The following CCSER1 variants were observed in gnomAD, a reference collection of about 807,000 sequenced individuals.
The protein encoded by CCSER1 is coiled-coil serine rich protein 1, also known as serine-rich coiled-coil domain-containing protein 1.
CCSER1 carries 41 observed loss-of-function variants against 82.0 expected under a neutral mutation model. The ratio of observed to expected loss-of-function variants is 0.50; its 90% CI spans 0.39 to 0.65. The LOEUF is 0.65. CCSER1 is among the 30% of genes least tolerant of loss of function. CCSER1 has a pLI of 0.00. For synonymous variants in CCSER1, 414 were observed against 383.9 expected (o/e 1.08, Z -0.92); for missense variants, 1,119 against 1,064.2 (o/e 1.05, Z -0.72).
intron 10 of CCSER1, among the ~76,000 whole-genome samples, chr4:91,356,453 G>T (rs112179150): frequency 0.02 from 3,008 of 152,280 alleles, 91 homozygotes; most frequent in African/African-American, 0.067. Context: ...GGTATTCCTT[G>T]TGGGGCTCCA....
chr4:91,443,871 A>C (rs539504394), intron 10 of CCSER1, among the ~76,000 whole-genome samples: 1 of 151,646 alleles, frequency 6.6e-6, no homozygotes, highest in African/African-American at 2.4e-5. Flanking sequence ...TATTTGTCCA[A>C]ATACTTGAAG....
At chr4:91,106,013 G>T (rs4693262) in intron 10 of CCSER1, among the ~76,000 whole-genome samples, 44,925 of 151,956 alleles carry the variant, frequency 0.3, 7,289 homozygotes, top group East Asian at 0.5. Flanking sequence ...ATTATTATCT[G>T]ATAATCAAAG....
At chr4:91,053,632 C>A (rs1743188354) in intron 9 of CCSER1, among the ~76,000 whole-genome samples, 1 of 152,104 alleles carries the variant, frequency 6.6e-6, no homozygotes. Flanking sequence ...TTACATCTTA[C>A]AAAATTCAAA....
chr4:90,878,565 T>A (rs2150061200), intron 8 of CCSER1, among the ~76,000 whole-genome samples: 1 of 152,248 alleles, frequency 6.6e-6, no homozygotes, highest in Non-Finnish European at 1.5e-5. Flanking sequence ...TGGTCTAAAA[T>A]ATCAAAATGA....
At chr4:90,850,361 G>A (rs1235081621) in intron 8 of CCSER1, among the ~76,000 whole-genome samples, 1 of 152,168 alleles carries the variant, frequency 6.6e-6, no homozygotes, top group Non-Finnish European at 1.5e-5. Context: ...CTGGATCCCA[G>A]AATCATAGAT....
At chr4:90,310,727 C>T (rs1735143002) in intron 2 of CCSER1, among the ~76,000 whole-genome samples, 1 of 152,054 alleles carries the variant, frequency 6.6e-6, no homozygotes, top group Non-Finnish European at 1.5e-5. Flanking sequence ...AAAGCTCTGG[C>T]TCTCCATAAC....
chr4:91,478,360 C>A (rs922227592), intron 10 of CCSER1, among the ~76,000 whole-genome samples: 2 of 151,310 alleles, frequency 1.3e-5, no homozygotes, highest in African/African-American at 4.8e-5. Context: ...GAATTATTAC[C>A]CAATTGTTCT....
At chr4:90,387,086 A>G (rs1750174266) in intron 3 of CCSER1, among the ~76,000 whole-genome samples, 1 of 152,206 alleles carries the variant, frequency 6.6e-6, no homozygotes. Flanking sequence ...TACCAGAATT[A>G]TGAGTTCAAT....
rs72882776 is a variant in CCSER1, at chr4:91,507,076, C to T, written c.2218-91496C>T. 1.1e-3 allele frequency among the ~76,000 whole-genome samples: 168 copies of T among 152,114 alleles called. 1 individual carries two copies. The highest frequency in any genetic ancestry group is 3.8e-3 in the African/African-American group (157 of 41,488). Reference sequence around the variant, plus strand: ...TATTTTCACTTTTTACTATTATGAACGAAACTTTTAATTACATTTATGTAC... The same window carrying T: ...TATTTTCACTTTTTACTATTATGAATGAAACTTTTAATTACATTTATGTAC... On this transcript the variant is annotated intron_variant, in intron 10 of 10. Transcript: ENST00000509176.
rs115583662 is a variant in CCSER1 at position 91,060,353 on chromosome 4, A to T, written c.2173-25597A>T. Among the ~76,000 whole-genome samples, 701 of 152,176 alleles carry T rather than the reference A, an allele frequency of 4.6e-3. 6 individuals carry two copies. The highest frequency in any genetic ancestry group is 0.016 in the African/African-American group (649 of 41,560). On this transcript the variant is annotated intron_variant, in intron 9 of 10. Coordinates refer to ENST00000509176, the MANE Select transcript of CCSER1 (RefSeq NM_001145065.2). The stretch of plus-strand genomic sequence containing the variant: ...CAGAAGAATTGGCTAGTCATTTCTG[A>T]AATCAGTCATTTTTGAAAACATAAT...
In CCSER1 at chr4:90,234,096, A is replaced by C. The variant is rs138718136; in HGVS notation, c.-41-74148A>C. Among the ~76,000 whole-genome samples, 69 of 152,290 alleles carry C rather than the reference A, an allele frequency of 4.5e-4. No homozygotes were observed. In the South Asian group the frequency reaches 7.7e-3, roughly 17 times the overall value. Reference sequence around the variant, plus strand: ...TTTTAAATCCGAAAATAATAATATTAGGCAGCCTTTGTATTTCCAGACCTC... The same window carrying C: ...TTTTAAATCCGAAAATAATAATATTCGGCAGCCTTTGTATTTCCAGACCTC... On this transcript the variant is annotated intron_variant, in intron 1 of 10. Transcript: ENST00000509176.
chr4:91,234,830 G>A (rs1738879725), intron 10 of CCSER1, among the ~76,000 whole-genome samples: 1 of 151,938 alleles, frequency 6.6e-6, no homozygotes, highest in South Asian at 2.1e-4. Context: ...AGTTGTCATG[G>A]TTTCTAGACT....
chr4:91,573,400 G>T (rs2110291113), intron 10 of CCSER1, among the ~76,000 whole-genome samples: 1 of 152,162 alleles, frequency 6.6e-6, no homozygotes, highest in Non-Finnish European at 1.5e-5. Flanking sequence ...ATACACAGGG[G>T]TGTAACCTCC....
rs553945581 is a variant in CCSER1 at position 90,869,765 on chromosome 4, A to G, written c.2095-53605A>G. ...GAAGGTCATCGGTATTTTGCTCAGG[A>G]CTACATTGAATCTATAGATTGCTTT... is the stretch of plus-strand genomic sequence containing the variant. On this transcript the variant is annotated intron_variant, in intron 8 of 10. Coordinates refer to ENST00000509176, the MANE Select transcript of CCSER1 (RefSeq NM_001145065.2). 7.3e-5 allele frequency among the ~76,000 whole-genome samples: 11 copies of G among 151,676 alleles called. No individual in the cohort carries two copies. In the South Asian group the frequency reaches 2.3e-3, roughly 32 times the overall value.
chr4:90,997,236 T>C (rs1014896299), intron 9 of CCSER1, among the ~76,000 whole-genome samples: 6 of 152,140 alleles, frequency 3.9e-5, no homozygotes, highest in African/African-American at 1.4e-4. Flanking sequence ...TGTGTCCACA[T>C]TTCTTGATCA....
At chr4:91,569,735 GGAACAACAGTTCAAGATGA>G in intron 10 of CCSER1, among the ~76,000 whole-genome samples, 1 of 152,044 alleles carries the variant, frequency 6.6e-6, no homozygotes, top group Non-Finnish European at 1.5e-5. Context: ...GGGGATCATG[GGAACAACAGTTCAAGATGA>G]GATGTTGGCT....
chr4:91,415,626 T>C (rs919452486), intron 10 of CCSER1, among the ~76,000 whole-genome samples: 3 of 152,176 alleles, frequency 2.0e-5, no homozygotes, highest in Admixed American at 1.3e-4. Flanking sequence ...TGAAGCGATG[T>C]TGAATATTAT....
intron 10 of CCSER1, among the ~76,000 whole-genome samples, chr4:91,500,622 T>A (rs1207565538): frequency 6.6e-6 from 1 of 152,044 alleles, no homozygotes; most frequent in Non-Finnish European, 1.5e-5. Context: ...AAGGATAGCA[T>A]AGGCTCTGAA....
chr4:91,086,123 G>T, intron 10 of CCSER1, 129 bp downstream of exon 10: 1 of 634,618 alleles, frequency 1.6e-6, no homozygotes, highest in Non-Finnish European at 2.9e-6. Context: ...AGAGAATGTT[G>T]TCTGCATATG....
Sources: gnomAD v4.1 joint callset for allele counts (sites outside exome capture counted in the v4.1 genomes callset) on GRCh38, gnomAD v4.1.1 for gene constraint, MANE v1.5 for transcripts, NCBI Gene and HGNC (gene_info 2026-07-23, HGNC 2026-07-21) for gene names.